Variants in LSM14B observed in about 807,000 individuals in gnomAD.
LSM14B encodes the protein LSM family member 14B.
In LSM14B, 8 loss-of-function variants were observed where a neutral mutation model predicts 42.1. The ratio of observed to expected loss-of-function variants is 0.19; its 90% confidence interval spans 0.11 to 0.34. The LOEUF is 0.34. Ranked by LOEUF, LSM14B falls within the 10% of genes least tolerant of loss-of-function variation. The pLI is 1.00. For synonymous variants in LSM14B, 219 were observed against 209.7 expected, an observed-to-expected ratio of 1.04 and a Z score of -0.38; for missense variants, 396 against 513.1, an observed-to-expected ratio of 0.77 and a Z score of 2.21.
chr20:62,133,524 G>C (rs909187330), intron 8 of LSM14B, 49 bp downstream of exon 8: 18 of 1,574,362 alleles, frequency 1.1e-5, no homozygotes, highest in Non-Finnish European at 1.5e-5. Flanking sequence ...TGTAGGGTCA[G>C]GCACACCTGG....
intron 7 of LSM14B, among the ~76,000 whole-genome samples, chr20:62,132,361 C>T (rs2056792110): frequency 6.6e-6 from 1 of 152,130 alleles, no homozygotes; most frequent in Non-Finnish European, 1.5e-5. Flanking sequence ...CCAAGTGCCG[C>T]GGGAAGCCAT....
intron 1 of LSM14B, among the ~76,000 whole-genome samples, chr20:62,124,224 T>C (rs187625675): frequency 6.6e-6 from 1 of 152,262 alleles, no homozygotes; most frequent in Admixed American, 6.5e-5. Flanking sequence ...TCAGGCGCAA[T>C]GTGCGGTGAG....
At position 62,131,465 on chromosome 20, in the gene LSM14B, C is replaced by G; in HGVS notation, c.945C>G (p.Ser315=). ...GGCCCAACTGCTACTATGACAAATC[C>G]AAGTCGTTCTTCGACAACATCTCTT... The part of the protein sequence containing the change: ...LLGPNCYYDK[S]KSFFDNISSE... The change falls in exon 7 of 9, where the codon TCC becomes TCG. Residue 315 remains serine, a synonymous_variant. Coordinates refer to ENST00000279068, the MANE Select transcript of LSM14B (RefSeq NM_144703.3). 1.9e-6 allele frequency: 3 copies of G among 1,613,936 alleles called. No individual in the cohort carries two copies. Among genetic ancestry groups the G allele is most frequent in the Non-Finnish European group, 2.5e-6 (3 of 1,179,888 alleles).
rs557685496 is a variant in LSM14B, at chr20:62,122,966, C to T, written c.127+173C>T. Among the ~76,000 whole-genome samples the T allele has an allele frequency of 2.0e-5, 3 of 151,852 alleles. No individual in the cohort carries two copies. The highest frequency in any genetic ancestry group is 4.1e-4 in the South Asian group (2 of 4,820). ...TGCCCGCGCCTTCACCCCGGACGCC[C>T]CCGAGGCGCCCCCTTCCCGCGCGCC... On this transcript the variant is annotated intron_variant, in intron 1 of 8. Transcript: ENST00000279068. This position sits in a 1 kb window ranked among gnomAD's most constrained non-coding sequence, Gnocchi z 4.6.
In LSM14B at chr20:62,133,465, T is replaced by C; in HGVS notation, c.*4T>C. The C allele has an allele frequency of 3.1e-6, 5 of 1,611,162 alleles. No homozygotes were observed. Among genetic ancestry groups the C allele is most frequent in the Non-Finnish European group, 4.2e-6 (5 of 1,178,964 alleles). On this transcript the variant is annotated 3_prime_UTR_variant, in exon 8 of 9. Coordinates refer to ENST00000279068, the MANE Select transcript of LSM14B (RefSeq NM_144703.3). ...GGCCGGGACTGGCAGGGTGTGAGGG[T>C]GCAGCCAAAGGTGAGTGGATGAACC...
chr20:62,122,720 C>T lies in LSM14B; in HGVS notation c.54C>T (p.Ser18=), dbSNP rs1443818716. Reference sequence around the variant, plus strand: ...TGGGCAGCAAGATCAGCCTCATCTCCAAGGCGCAGATCCGCTACGAGGGCA... The same window carrying T: ...TGGGCAGCAAGATCAGCCTCATCTCTAAGGCGCAGATCCGCTACGAGGGCA... ...PYLGSKISLI[S]KAQIRYEGIL... The change falls in exon 1 of 9, where the codon TCC becomes TCT. Residue 18 remains serine, a synonymous_variant. Coordinates refer to ENST00000279068, the MANE Select transcript of LSM14B (RefSeq NM_144703.3). This position sits in a 1 kb window ranked among gnomAD's most constrained non-coding sequence, Gnocchi z 4.6. 3 of 1,523,684 alleles carry T rather than the reference C, an allele frequency of 2.0e-6. No individual in the cohort carries two copies. The highest frequency in any genetic ancestry group is 3.9e-5 in the Admixed American group (2 of 51,812). 94.4% of individuals were successfully genotyped at this position (1,523,684 alleles called of 1,614,324 possible). A position where few individuals can be genotyped will look rare whatever the true frequency, so the allele number is the denominator to read the frequency against.
intron 3 of LSM14B, chr20:62,128,819 C>A: frequency 1.6e-6 from 1 of 644,494 alleles, no homozygotes; most frequent in Non-Finnish European, 2.3e-6. Context: ...AATTTTTCTA[C>A]AGTCAATTTT....
In LSM14B at chr20:62,131,524, T is replaced by C. The variant is rs1268451627; in HGVS notation, c.986+18T>C. The C allele has an allele frequency of 1.2e-6, 2 of 1,610,734 alleles. No individual in the cohort carries two copies. The highest frequency in any genetic ancestry group is 8.5e-7 in the Non-Finnish European group (1 of 1,179,732). On this transcript the variant is annotated intron_variant, in intron 7 of 8. Coordinates refer to ENST00000279068, the MANE Select transcript of LSM14B (RefSeq NM_144703.3). ...AAGACCAGGTGAGAGGCTGAATGAA[T>C]GAGGGGAGGACAGTCCTCCAATCTA...
intron 3 of LSM14B, chr20:62,128,863 T>G: frequency 2.9e-4 from 277 of 943,576 alleles, no homozygotes; most frequent in Non-Finnish European, 3.8e-4. Flanking sequence ...AGCAGTAAGA[T>G]GAGATGCCCA....
chr20:62,132,854 A>G (rs903192284), intron 7 of LSM14B, among the ~76,000 whole-genome samples: 1 of 151,984 alleles, frequency 6.6e-6, no homozygotes, highest in African/African-American at 2.4e-5. Flanking sequence ...CTGTCTTTCA[A>G]ACTCCCAAAG....
Position 62,124,641 on chromosome 20 carries a change from G to A in LSM14B, c.152G>A (p.Arg51His). ...GTGAGGTCCTTTGGCACTGAAGACC[G>A]TCCCACAGATAGGCCTGCGCCCCCC... Reference protein sequence around the residue: ...AKVRSFGTEDRPTDRPAPPRE... With the variant: ...AKVRSFGTEDHPTDRPAPPRE... The change falls in exon 2 of 9, where the codon CGT (arginine) becomes CAT (histidine). Residue 51 changes from arginine (R) to histidine (H), a missense_variant. Arg to His is a conservative substitution (Grantham distance 29). Transcript: ENST00000279068. 2 of 1,613,862 alleles carry A rather than the reference G, an allele frequency of 1.2e-6. No individual in the cohort carries two copies. The highest frequency in any genetic ancestry group is 1.7e-6 in the Non-Finnish European group (2 of 1,179,832).
In LSM14B at chr20:62,135,124, G is replaced by A. The variant is rs1292366890; in HGVS notation, c.*976G>A. 2 of 152,224 alleles carry A rather than the reference G, an allele frequency of 1.3e-5. No individual in the cohort carries two copies. Among genetic ancestry groups the A allele is most frequent in the East Asian group, 3.8e-4 (2 of 5,196 alleles). The allele number at this position is 152,224 out of a possible 1,614,324, so 9.4% of individuals were successfully genotyped here. On this transcript the variant is annotated 3_prime_UTR_variant, in exon 9 of 9. Coordinates refer to ENST00000279068, the MANE Select transcript of LSM14B (RefSeq NM_144703.3). ...GGTGGGGTCTACATTTGTTGCATGA[G>A]TCGATGGGTCAGAACTTTAGTATAC...
Position 62,129,835 on chromosome 20 carries a change from G to C in LSM14B, c.478G>C (p.Ala160Pro). The stretch of plus-strand genomic sequence containing the variant: ...CGGCAAGAGCCCCATGGTGGAGCAG[G>C]CTGTGCAGACTGGTTCTGCTGACAA... ...PVGKSPMVEQ[A>P]VQTGSADNLN... The change falls in exon 4 of 9, where the codon GCT becomes CCT. Residue 160 changes from alanine to proline, a missense_variant. Around this residue, in one of 3 missense-constraint regions of LSM14B, gnomAD observed 274 missense variants for 335.8 expected, o/e 0.82. Coordinates refer to ENST00000279068, the MANE Select transcript of LSM14B (RefSeq NM_144703.3). The C allele has an allele frequency of 1.9e-6, 3 of 1,611,990 alleles. No homozygotes were observed. The highest frequency in any genetic ancestry group is 2.5e-6 in the Non-Finnish European group (3 of 1,179,130).
At chr20:62,123,175 G>C (rs1395769919) in intron 1 of LSM14B, 1 of 152,878 alleles carries the variant, frequency 6.5e-6, no homozygotes, top group Non-Finnish European at 1.5e-5. Context: ...TCCCGTCAGC[G>C]GGCCTCCTCC....
At chr20:62,131,231 G>A in intron 6 of LSM14B, 125 bp from the exon 7 acceptor site, 1 of 1,118,300 alleles carries the variant, frequency 8.9e-7, no homozygotes, top group Non-Finnish European at 1.2e-6. Context: ...TTTCTGCTTT[G>A]CACAAGGCAT....
At chr20:62,127,115 C>T (rs1600926580) in intron 3 of LSM14B, among the ~76,000 whole-genome samples, 2 of 152,196 alleles carry the variant, frequency 1.3e-5, no homozygotes, top group African/African-American at 2.4e-5. Context: ...TAAATATAGA[C>T]GTGAAATACA....
At position 62,134,359 on chromosome 20, in the gene LSM14B, C is replaced by A. The variant is rs1555815237; in HGVS notation, c.*211C>A. 1 of 465,110 alleles carries A rather than the reference C, an allele frequency of 2.2e-6. No individual in the cohort carries two copies. Among genetic ancestry groups the A allele is most frequent in the Non-Finnish European group, 4.4e-6 (1 of 226,006 alleles). 28.8% of individuals were successfully genotyped at this position (465,110 alleles called of 1,614,324 possible). A position where few individuals can be genotyped will look rare whatever the true frequency, so the allele number is the denominator to read the frequency against. On this transcript the variant is annotated 3_prime_UTR_variant, in exon 9 of 9. Transcript: ENST00000279068. ...GTTTTGGGGAAGTATTCATGGGTAA[C>A]CTCTTTGAGGTCTCTTTATCTGTGT...
At chr20:62,128,825 A>ATT in intron 3 of LSM14B, 16 of 670,940 alleles carry the variant, frequency 2.4e-5, no homozygotes, top group Non-Finnish European at 3.5e-5. Flanking sequence ...TCTACAGTCA[A>ATT]TTTTTTTTTT....
rs550446145 is a variant in LSM14B at position 62,122,655 on chromosome 20, C to G, written c.-12C>G. The stretch of plus-strand genomic sequence containing the variant: ...CTTCCCCACCGCGGCCCGACGCACC[C>G]CGGCCGCCGCCATGAGCGGCTCCTC... On this transcript the variant is annotated 5_prime_UTR_variant, in exon 1 of 9. Transcript: ENST00000279068. This position sits in a 1 kb window ranked among gnomAD's most constrained non-coding sequence, Gnocchi z 4.6. The G allele has an allele frequency of 3.5e-6, 5 of 1,413,896 alleles. No homozygotes were observed. The highest frequency in any genetic ancestry group is 3.4e-5 in the East Asian group (1 of 29,362). The allele number at this position is 1,413,896 out of a possible 1,614,324, so 87.6% of individuals were successfully genotyped here. A position where few individuals can be genotyped will look rare whatever the true frequency, so the allele number is the denominator to read the frequency against.
Sources: gnomAD v4.1 joint callset for allele counts (sites outside exome capture counted in the v4.1 genomes callset) on GRCh38, gnomAD v4.1.1 for gene constraint, gnomAD v4.1.1 regional missense constraint, Gnocchi (gnomAD v3.1) non-coding constraint, MANE v1.5 for transcripts, NCBI Gene and HGNC (gene_info 2026-07-23, HGNC 2026-07-21) for gene names.